The following DPF3 variants were observed in gnomAD, a reference collection of about 807,000 sequenced individuals.
DPF3 encodes the protein zinc finger protein DPF3.
DPF3 carries 18 observed loss-of-function variants against 56.8 expected under a neutral mutation model. The ratio of observed to expected loss-of-function variants is 0.32; its 90% confidence interval spans 0.22 to 0.47. DPF3 has a LOEUF of 0.47. Among genes scored for constraint, DPF3 ranks in the 20% least tolerant of loss-of-function variants. The probability of loss-of-function intolerance (pLI) is 1.00; values close to 1 mark genes in which losing one functional copy is unlikely to be tolerated. For missense variants in DPF3, 403 were observed against 488.8 expected (o/e 0.82, Z 1.65); for synonymous variants, 188 against 180.2 (o/e 1.04, Z -0.35).
intron 1 of DPF3, among the ~76,000 whole-genome samples, chr14:72,851,666 G>A (rs1884988468): frequency 6.6e-6 from 1 of 152,212 alleles, no homozygotes; most frequent in African/African-American, 2.4e-5. Flanking sequence ...ATGAGAAAAT[G>A]TCACAGATGG....
chr14:72,670,658 T>G (rs1004452411), intron 8 of DPF3: 2 of 989,646 alleles, frequency 2.0e-6, no homozygotes, highest in Non-Finnish European at 1.2e-6. Context: ...TCTCTCTCTC[T>G]CGCAAAAAAA....
intron 5 of DPF3, among the ~76,000 whole-genome samples, chr14:72,718,894 C>T (rs1889051110): frequency 6.6e-6 from 1 of 151,138 alleles, no homozygotes; most frequent in South Asian, 2.1e-4. Context: ...CCTCAGCCCC[C>T]TGAGTAGCTG....
intron 7 of DPF3, among the ~76,000 whole-genome samples, chr14:72,690,137 G>A (rs546179503): frequency 6.6e-6 from 1 of 152,306 alleles, no homozygotes; most frequent in South Asian, 2.1e-4. Flanking sequence ...ACAGAGGTGA[G>A]AACAAGCCAC....
At chr14:72,742,189 G>A (rs61092718) in intron 3 of DPF3, among the ~76,000 whole-genome samples, 101 of 152,272 alleles carry the variant, frequency 6.6e-4, no homozygotes, top group African/African-American at 2.1e-3. Context: ...CGAAGCTGCC[G>A]GTGCAGGCCT....
At chr14:72,868,784 C>T (rs1885780023) in intron 1 of DPF3, among the ~76,000 whole-genome samples, 1 of 152,108 alleles carries the variant, frequency 6.6e-6, no homozygotes, top group South Asian at 2.1e-4. Context: ...CAGCTAATAC[C>T]TTGTCCTTCC....
intron 8 of DPF3, among the ~76,000 whole-genome samples, chr14:72,636,627 T>C (rs892180587): frequency 6.6e-6 from 1 of 152,232 alleles, no homozygotes; most frequent in Admixed American, 6.5e-5. Context: ...CCTTTATGTA[T>C]ATACTATGGC....
At chr14:72,781,743 C>T (rs1434363433) in intron 1 of DPF3, among the ~76,000 whole-genome samples, 4 of 151,294 alleles carry the variant, frequency 2.6e-5, no homozygotes, top group Admixed American at 6.6e-5. Context: ...GGGGACGCTC[C>T]GGGGAGGAAG....
intron 7 of DPF3, among the ~76,000 whole-genome samples, chr14:72,680,082 C>T (rs879676852): frequency 3.3e-5 from 5 of 152,104 alleles, no homozygotes; most frequent in African/African-American, 4.8e-5. Context: ...GCAGGCCCAG[C>T]GTGAAGCAGA....
At chr14:72,627,481 G>A (rs1030458057) in intron 9 of DPF3, among the ~76,000 whole-genome samples, 4 of 151,982 alleles carry the variant, frequency 2.6e-5, no homozygotes, top group African/African-American at 9.7e-5. Flanking sequence ...ATCTATTTAT[G>A]GGCTTTCTAT....
intron 6 of DPF3, among the ~76,000 whole-genome samples, chr14:72,709,275 C>A (rs1026272315): frequency 6.6e-6 from 1 of 152,208 alleles, no homozygotes. Flanking sequence ...AGAGGGCCCG[C>A]TCCTGGTGTG....
In DPF3 at chr14:72,618,920, TA is replaced by T. The variant is rs575284525; in HGVS notation, c.*376del. On this transcript the variant is annotated 3_prime_UTR_variant, in exon 11 of 11. Coordinates refer to ENST00000556509, the MANE Select transcript of DPF3 (RefSeq NM_001280542.3). Reference sequence around the variant, plus strand: ...CCAAGATTTCTTGGAACACAATAGATAAAAAAACACCACACTACACACAAGT... The same window carrying T: ...CCAAGATTTCTTGGAACACAATAGATAAAAAACACCACACTACACACAAGT... Among the ~76,000 whole-genome samples the T allele has an allele frequency of 1.3e-5, 2 of 151,826 alleles. No individual in the cohort carries two copies. Among genetic ancestry groups the T allele is most frequent in the Non-Finnish European group, 2.9e-5 (2 of 67,938 alleles).
chr14:72,772,224 C>G (rs1288750340), intron 1 of DPF3, among the ~76,000 whole-genome samples: 3 of 152,196 alleles, frequency 2.0e-5, no homozygotes, highest in Admixed American at 6.5e-5. Context: ...GGAAGTAGCT[C>G]TGGAACAACC....
At chr14:72,663,733 G>T (rs187099588) in intron 8 of DPF3, among the ~76,000 whole-genome samples, 1 of 152,274 alleles carries the variant, frequency 6.6e-6, no homozygotes, top group East Asian at 1.9e-4. Context: ...TAAGCTGAGC[G>T]ATAAGGGAGG....
intron 1 of DPF3, among the ~76,000 whole-genome samples, chr14:72,780,471 T>C (rs540049811): frequency 6.6e-6 from 1 of 152,324 alleles, no homozygotes; most frequent in Non-Finnish European, 1.5e-5. Context: ...ATGTGATAGA[T>C]ACATTGCTTG....
chr14:72,809,409 T>C (rs1882931744), intron 1 of DPF3, among the ~76,000 whole-genome samples: 1 of 152,036 alleles, frequency 6.6e-6, no homozygotes, highest in African/African-American at 2.4e-5. Flanking sequence ...GTGAAGGGCA[T>C]GGGGGTTACC....
chr14:72,748,210 C>T (rs888356918), intron 3 of DPF3, among the ~76,000 whole-genome samples: 2 of 152,068 alleles, frequency 1.3e-5, no homozygotes, highest in African/African-American at 4.8e-5. Context: ...TAGGGTGGTC[C>T]CAGATGGAGA....
chr14:72,765,599 T>G (rs565878515), intron 2 of DPF3, among the ~76,000 whole-genome samples: 2 of 152,362 alleles, frequency 1.3e-5, no homozygotes, highest in African/African-American at 4.8e-5. Context: ...TGATATAGTA[T>G]TAATTAGTAA....
Position 72,618,700 on chromosome 14 carries a change from G to A in DPF3, c.*597C>T, listed in dbSNP as rs1884238722. On this transcript the variant is annotated 3_prime_UTR_variant, in exon 11 of 11. Coordinates refer to ENST00000556509, the MANE Select transcript of DPF3 (RefSeq NM_001280542.3). ...GCAGTGGCTCAAGACCAGGCTGGCT[G>A]TGGATGCCACTGCTGGGGTTCTAGA... 6.6e-6 allele frequency among the ~76,000 whole-genome samples: 1 copy of A among 151,972 alleles called. No homozygotes were observed. The highest frequency in any genetic ancestry group is 2.4e-5 in the African/African-American group (1 of 41,370).
intron 4 of DPF3, among the ~76,000 whole-genome samples, chr14:72,724,667 G>C (rs534857062): frequency 2.8e-4 from 43 of 151,614 alleles, no homozygotes; most frequent in African/African-American, 9.7e-4. Flanking sequence ...GGGGCATGGA[G>C]CTCACTGGGC....
Sources: allele counts gnomAD v4.1 joint callset (sites outside exome capture counted in the v4.1 genomes callset), GRCh38; gene constraint gnomAD v4.1.1; transcripts MANE v1.5; gene names NCBI Gene and HGNC (gene_info 2026-07-23, HGNC 2026-07-21).